The following IL13RA1 variants were observed in gnomAD, a reference collection of about 807,000 sequenced individuals.
IL13RA1 encodes interleukin-13 receptor subunit alpha-1.
IL13RA1 carries 14 observed loss-of-function variants against 33.8 expected under a neutral mutation model. That is an observed-to-expected ratio of 0.41 (90% CI 0.27 to 0.65). The LOEUF is 0.65. Ranked by LOEUF, IL13RA1 falls within the 30% of genes least tolerant of loss-of-function variation. The pLI, the probability that IL13RA1 is intolerant of heterozygous loss-of-function variation, is 0.28. For missense variants in IL13RA1, 313 were observed against 327.0 expected, an observed-to-expected ratio of 0.96 and a Z score of 0.33; for synonymous variants, 116 against 115.7, an observed-to-expected ratio of 1.00 and a Z score of -0.02.
At chrX:118,797,703 A>T (rs1414001301), downstream of IL13RA1, among the ~76,000 whole-genome samples, 1 of 112,394 alleles carries the variant, frequency 8.9e-6, no homozygotes. Context: ...AGCCCTTAGA[A>T]GCCGAGAAAT....
chrX:118,750,057 A>G (rs1603211177), intron 4 of IL13RA1, among the ~76,000 whole-genome samples: 1 of 112,056 alleles, frequency 8.9e-6, no homozygotes, highest in East Asian at 2.8e-4. Context: ...TTGTGTAACT[A>G]TAGTGCATTA....
At chrX:118,800,993 T>C in the IL13RA1 span, among the ~76,000 whole-genome samples, 1 of 111,630 alleles carries the variant, frequency 9.0e-6, no homozygotes, top group African/African-American at 3.3e-5. Flanking sequence ...TCTCCCTGTG[T>C]TGCCCAAGCT....
intron 4 of IL13RA1, among the ~76,000 whole-genome samples, chrX:118,751,900 C>CAAAAAA (rs34902050): frequency 2.0e-5 from 1 of 49,007 alleles, no homozygotes; most frequent in Non-Finnish European, 4.2e-5. Context: ...GAATAGAATG[C>CAAAAAA]AAAAAAAAAA....
chrX:118,766,963 A>T lies in IL13RA1; in HGVS notation c.996A>T (p.Gln332His). The T allele has an allele frequency of 8.9e-7, 1 of 1,122,831 alleles. No homozygotes were observed. The highest frequency in any genetic ancestry group is 1.2e-6 in the Non-Finnish European group (1 of 821,900). The allele number at this position is 1,122,831 out of a possible 1,213,427, so 92.5% of individuals were successfully genotyped here. The change falls in exon 8 of 11, where the codon CAA (glutamine) becomes CAT (histidine). Residue 332 changes from glutamine to histidine, a missense_variant. Transcript: ENST00000371666. The stretch of plus-strand genomic sequence containing the variant: ...ACAAACTCTGGAGTAATTGGAGCCA[A>T]GAAATGAGTATAGGTAAGAGAACAG... ...EDDKLWSNWSQEMSIGKKRNS... is the reference protein window; with the variant it reads ...EDDKLWSNWSHEMSIGKKRNS...
chrX:118,758,007 A>T (rs755075728), intron 4 of IL13RA1, 48 bp from the exon 5 acceptor site: 1 of 858,158 alleles, frequency 1.2e-6, no homozygotes, highest in Non-Finnish European at 1.7e-6. Flanking sequence ...TATTTCTTGA[A>T]TACTCTGTTG....
intron 5 of IL13RA1, among the ~76,000 whole-genome samples, chrX:118,759,715 C>G (rs1360912093): frequency 1.8e-5 from 2 of 112,314 alleles, no homozygotes; most frequent in Non-Finnish European, 3.8e-5. Context: ...ATTGCTTGGT[C>G]TTAAGTATAG....
chrX:118,795,211 C>CAAAA (rs1222782237), downstream of IL13RA1, among the ~76,000 whole-genome samples: 20 of 26,977 alleles, frequency 7.4e-4, no homozygotes, highest in Non-Finnish European at 1.1e-3. Context: ...GACTCCGTCT[C>CAAAA]AAAAAAAAAA....
chrX:118,777,151 A>G (rs1206732066), intron 10 of IL13RA1, among the ~76,000 whole-genome samples: 1 of 108,861 alleles, frequency 9.2e-6, no homozygotes, highest in Non-Finnish European at 1.9e-5. Flanking sequence ...CCATCCCCTC[A>G]TTCCTCCCAC....
intron 10 of IL13RA1, among the ~76,000 whole-genome samples, chrX:118,786,316 T>C (rs1023238069): frequency 6.4e-5 from 7 of 108,965 alleles, no homozygotes; most frequent in African/African-American, 2.0e-4. Flanking sequence ...CGCTTGAACC[T>C]GGAGGCAGAA....
chrX:118,738,433 T>G (rs1020236833), intron 1 of IL13RA1, among the ~76,000 whole-genome samples: 2 of 111,556 alleles, frequency 1.8e-5, no homozygotes, highest in African/African-American at 6.5e-5. Context: ...ATCATGTGTA[T>G]TCAGTGTTTA....
At chrX:118,776,302 C>T in intron 9 of IL13RA1, 125 bp from the exon 10 acceptor site, 1 of 385,880 alleles carries the variant, frequency 2.6e-6, no homozygotes, top group Non-Finnish European at 4.6e-6. Context: ...TCACAACTGC[C>T]TTGTCAATAA....
intron 9 of IL13RA1, 87 bp from the exon 10 acceptor site, chrX:118,776,340 C>T: frequency 6.5e-6 from 3 of 460,395 alleles, no homozygotes; most frequent in Non-Finnish European, 3.9e-6. Flanking sequence ...TGTCTTTTGT[C>T]CATGCCTTCT....
the IL13RA1 span, among the ~76,000 whole-genome samples, chrX:118,801,268 C>T: frequency 3.6e-5 from 4 of 112,335 alleles, no homozygotes; most frequent in South Asian, 7.3e-4. Context: ...TAATTTTCTA[C>T]ATGTAACTTT....
chrX:118,780,753 C>T (rs765534872), intron 10 of IL13RA1, among the ~76,000 whole-genome samples: 2 of 112,242 alleles, frequency 1.8e-5, no homozygotes, highest in African/African-American at 6.5e-5. Flanking sequence ...CCAGGCCACA[C>T]TTCCAACGTT....
At chrX:118,749,319 A>G (rs1379933227) in intron 3 of IL13RA1, among the ~76,000 whole-genome samples, 1 of 112,537 alleles carries the variant, frequency 8.9e-6, no homozygotes, top group Non-Finnish European at 1.9e-5. Context: ...GGTTGTTTGT[A>G]TATCCACATT....
chrX:118,761,456 G>A, intron 6 of IL13RA1, 167 bp downstream of exon 6: 2 of 327,100 alleles, frequency 6.1e-6, no homozygotes, highest in Non-Finnish European at 1.1e-5. Flanking sequence ...GAAGATTTAT[G>A]GTATGATAGT....
chrX:118,761,974 G>A (rs768754600), intron 6 of IL13RA1, among the ~76,000 whole-genome samples: 10 of 112,351 alleles, frequency 8.9e-5, no homozygotes, highest in Non-Finnish European at 1.5e-4. Flanking sequence ...CAGATCTTGC[G>A]GACACTTTGG....
intron 9 of IL13RA1, among the ~76,000 whole-genome samples, chrX:118,775,215 G>C (rs1030600906): frequency 2.0e-4 from 22 of 111,376 alleles, no homozygotes; most frequent in Middle Eastern, 4.6e-3. Context: ...AGCACTCCAG[G>C]CCATGGGAAC....
chrX:118,771,726 T>A (rs1022120242), intron 8 of IL13RA1, among the ~76,000 whole-genome samples: 1 of 112,200 alleles, frequency 8.9e-6, no homozygotes. Context: ...TATAATCCCA[T>A]CACTTTGGGA....
Sources: allele counts gnomAD v4.1 joint callset (sites outside exome capture counted in the v4.1 genomes callset), GRCh38; gene constraint gnomAD v4.1.1; transcripts MANE v1.5; gene names NCBI Gene and HGNC (gene_info 2026-07-23, HGNC 2026-07-21).